Variants in PCDH19 observed in about 807,000 individuals in gnomAD.
PCDH19 encodes protocadherin-19.
A neutral mutation model predicts 46.2 loss-of-function variants in PCDH19; 6 were observed. The observed-to-expected ratio is 0.13, with a 90% CI of 0.07 to 0.26. The LOEUF (loss-of-function observed/expected upper bound fraction) is 0.26. PCDH19 is among the 10% of genes least tolerant of loss of function. PCDH19 has a pLI of 1.00. For synonymous variants in PCDH19, 481 were observed against 415.7 expected, an observed-to-expected ratio of 1.16 and a Z score of -1.91; for missense variants, 740 against 972.3, an observed-to-expected ratio of 0.76 and a Z score of 3.18.
intron 5 of PCDH19, among the ~76,000 whole-genome samples, chrX:100,299,260 A>G (rs1602568638): frequency 8.9e-6 from 1 of 111,926 alleles, no homozygotes. Flanking sequence ...CAAGATTAAG[A>G]CTGATATTTC....
intron 5 of PCDH19, among the ~76,000 whole-genome samples, chrX:100,331,072 A>G (rs754324412): frequency 3.6e-5 from 4 of 111,775 alleles, no homozygotes; most frequent in African/African-American, 9.8e-5. Context: ...CGAATTACCT[A>G]TTTTACACAC....
intron 3 of PCDH19, among the ~76,000 whole-genome samples, chrX:100,374,255 C>T (rs2147511107): frequency 8.9e-6 from 1 of 112,453 alleles, no homozygotes; most frequent in South Asian, 3.7e-4. Context: ...CCAAGAATAG[C>T]TTAGCTGTCC....
intron 3 of PCDH19, among the ~76,000 whole-genome samples, chrX:100,354,251 C>T (rs1926649539): frequency 1.8e-5 from 2 of 111,875 alleles, no homozygotes; most frequent in African/African-American, 6.5e-5. Context: ...AAGGATGAGA[C>T]TCAGATCATC....
chrX:100,404,189 T>C (rs1356440433), intron 1 of PCDH19, among the ~76,000 whole-genome samples: 1 of 111,402 alleles, frequency 9.0e-6, no homozygotes, highest in African/African-American at 3.3e-5. Context: ...TCTGAGCAGA[T>C]AGGGAGACTA....
chrX:100,364,189 C>T (rs1386181578), intron 3 of PCDH19, among the ~76,000 whole-genome samples: 1 of 109,312 alleles, frequency 9.1e-6, no homozygotes, highest in Non-Finnish European at 1.9e-5. Flanking sequence ...AGGGCTAGTG[C>T]AGTATTTGGA....
intron 5 of PCDH19, among the ~76,000 whole-genome samples, chrX:100,315,482 C>T (rs1421769741): frequency 8.9e-6 from 1 of 112,254 alleles, no homozygotes; most frequent in Non-Finnish European, 1.9e-5. Context: ...GTTGGGCCAT[C>T]AGCCAAAACC....
chrX:100,373,281 G>A (rs1315797708), intron 3 of PCDH19, among the ~76,000 whole-genome samples: 2 of 112,916 alleles, frequency 1.8e-5, no homozygotes, highest in East Asian at 2.8e-4. Context: ...GATTATAGGC[G>A]TGAGCCACCT....
At chrX:100,395,013 A>G (rs1026105597) in intron 3 of PCDH19, among the ~76,000 whole-genome samples, 4 of 106,351 alleles carry the variant, frequency 3.8e-5, no homozygotes, top group Non-Finnish European at 7.7e-5. Flanking sequence ...TCAGCCTCCC[A>G]AGTAGCTGGG....
At chrX:100,342,691 A>G (rs1320073115) in intron 4 of PCDH19, among the ~76,000 whole-genome samples, 1 of 112,536 alleles carries the variant, frequency 8.9e-6, no homozygotes, top group Non-Finnish European at 1.9e-5. Flanking sequence ...GATTCTTAAA[A>G]GATGTCTACT....
At position 100,402,702 on chromosome X, in the gene PCDH19, T is replaced by C; in HGVS notation, c.2438A>G (p.Tyr813Cys). 1 of 1,211,712 alleles carries C rather than the reference T, an allele frequency of 8.3e-7. No homozygotes were observed. The highest frequency in any genetic ancestry group is 1.1e-6 in the Non-Finnish European group (1 of 895,408). Residue 813 changes from tyrosine (Y) to cysteine (C), a missense_variant, in exon 3 of 6, where the codon TAT becomes TGT. Physicochemically the swap from Tyr to Cys is radical, Grantham distance 194. Transcript: ENST00000373034. ...SCSSLTSSLN[Y>C]FDYHQQTLPL... ...CAGCGTCTGCTGGTGGTAGTCAAAA[T>C]AGTTGAGGGAGGAGGTCAGGGAAGA...
In PCDH19 at chrX:100,355,979, A is replaced by G. The variant is rs751058889; in HGVS notation, c.2617-5275T>C. 1.4e-4 allele frequency among the ~76,000 whole-genome samples: 15 copies of G among 110,130 alleles called. No individual in the cohort carries two copies. In the South Asian group the frequency reaches 5.6e-3, roughly 41 times the overall value. Reference sequence around the variant, plus strand: ...CTCTCAGCACCACATTTATCAGCAGAGAGACTTCAAACCTAAGGAGAAGGA... The same window carrying G: ...CTCTCAGCACCACATTTATCAGCAGGGAGACTTCAAACCTAAGGAGAAGGA... On this transcript the variant is annotated intron_variant, in intron 3 of 5. Coordinates refer to ENST00000373034, the MANE Select transcript of PCDH19 (RefSeq NM_001184880.2).
intron 4 of PCDH19, among the ~76,000 whole-genome samples, chrX:100,349,303 T>C (rs1184381478): frequency 8.9e-6 from 1 of 112,089 alleles, no homozygotes; most frequent in Admixed American, 9.4e-5. Flanking sequence ...CAGATAATTT[T>C]GAATTCCTCA....
rs767824461 is a variant in PCDH19, at chrX:100,406,876, C to G, written c.1722G>C (p.Glu574Asp). The G allele has an allele frequency of 1.7e-6, 2 of 1,211,735 alleles. No individual in the cohort carries two copies. The highest frequency in any genetic ancestry group is 4.3e-5 in the Admixed American group (2 of 46,080). The change falls in exon 1 of 6, where the codon GAG (glutamate) becomes GAC (aspartate). Residue 574 changes from glutamate (E) to aspartate (D), a missense_variant. Physicochemically the swap from Glu to Asp is conservative, Grantham distance 45. Coordinates refer to ENST00000373034, the MANE Select transcript of PCDH19 (RefSeq NM_001184880.2). ...TGCCAGAGTTGCGGGGTATGTAGAC[C>G]TCGGCAGTGCCGTTAATCAGAGGTG... ...TAPPLINGTA[E>D]VYIPRNSGIG...
Position 100,402,582 on chromosome X carries a change from A to G in PCDH19, c.2558T>C (p.Phe853Ser), listed in dbSNP as rs894617575. ...TSANHIYHHS[F>S]NSQGPQQPDL... ...AGGCTGCTGGGGCCCCTGGCTGTTG[A>G]AAGAGTGATGGTAGATGTGGTTAGC... Residue 853 changes from phenylalanine (F) to serine (S), a missense_variant, in exon 3 of 6, where the codon TTC becomes TCC. Phe to Ser is a radical substitution (Grantham distance 155). Coordinates refer to ENST00000373034, the MANE Select transcript of PCDH19 (RefSeq NM_001184880.2). 21 of 1,209,918 alleles carry G rather than the reference A, an allele frequency of 1.7e-5. No individual in the cohort carries two copies. The highest frequency in any genetic ancestry group is 2.3e-5 in the Non-Finnish European group (21 of 895,142).
intron 3 of PCDH19, among the ~76,000 whole-genome samples, chrX:100,360,981 G>T (rs189078204): frequency 8.9e-6 from 1 of 111,851 alleles, no homozygotes; most frequent in East Asian, 2.8e-4. Flanking sequence ...GGATGAGGAG[G>T]GATGAGGGTG....
At chrX:100,302,994 C>T (rs1449239168) in intron 5 of PCDH19, among the ~76,000 whole-genome samples, 2 of 111,525 alleles carry the variant, frequency 1.8e-5, no homozygotes, top group Non-Finnish European at 3.8e-5. Flanking sequence ...CTACAGAAAC[C>T]TACAAAGTAA....
chrX:100,310,097 A>T (rs992395996), intron 5 of PCDH19, among the ~76,000 whole-genome samples: 1 of 112,258 alleles, frequency 8.9e-6, no homozygotes, highest in Non-Finnish European at 1.9e-5. Context: ...AAGCAATTGA[A>T]TTATCTTCAA....
At chrX:100,358,555 T>A (rs1314112106) in intron 3 of PCDH19, among the ~76,000 whole-genome samples, 2 of 111,935 alleles carry the variant, frequency 1.8e-5, no homozygotes, top group Admixed American at 1.9e-4. Flanking sequence ...CAGTTGTGAA[T>A]TTCACTACAG....
At chrX:100,297,452 C>T (rs1350909109) in intron 5 of PCDH19, among the ~76,000 whole-genome samples, 1 of 111,441 alleles carries the variant, frequency 9.0e-6, no homozygotes, top group Non-Finnish European at 1.9e-5. Context: ...CAGCCAATCT[C>T]CTCACTATGC....
Sources: gnomAD v4.1 joint callset for allele counts (sites outside exome capture counted in the v4.1 genomes callset) on GRCh38, gnomAD v4.1.1 for gene constraint, MANE v1.5 for transcripts, NCBI Gene and HGNC (gene_info 2026-07-23, HGNC 2026-07-21) for gene names.